The following ESRRB variants were observed in gnomAD, a reference collection of about 807,000 sequenced individuals.
The protein encoded by ESRRB is estrogen related receptor beta, also known as steroid hormone receptor ERR2.
In ESRRB, 16 loss-of-function variants were observed where a neutral mutation model predicts 46.0. The observed-to-expected ratio is 0.35, with a 90% CI of 0.24 to 0.53. The LOEUF (loss-of-function observed/expected upper bound fraction) is 0.53. Among genes scored for constraint, ESRRB ranks in the 20% least tolerant of loss-of-function variants. ESRRB has a pLI of 0.93. For missense variants in ESRRB, 488 were observed against 607.4 expected, an observed-to-expected ratio of 0.80 and a Z score of 2.07; for synonymous variants, 246 against 259.6, an observed-to-expected ratio of 0.95 and a Z score of 0.50.
At chr14:76,386,478 A>C (rs1885235695) in intron 1 of ESRRB, among the ~76,000 whole-genome samples, 1 of 129,888 alleles carries the variant, frequency 7.7e-6, no homozygotes, top group South Asian at 2.4e-4. Flanking sequence ...TTTTTTTGCG[A>C]CAGAGTCTCA....
chr14:76,314,786 C>G (rs942469820), intron 1 of ESRRB, among the ~76,000 whole-genome samples: 11 of 152,006 alleles, frequency 7.2e-5, no homozygotes, highest in Non-Finnish European at 1.5e-4. Context: ...TCCCGGCAAG[C>G]ATTCTGGCCT....
At chr14:76,469,949 T>TC (rs1889310031) in intron 3 of ESRRB, among the ~76,000 whole-genome samples, 1 of 131,394 alleles carries the variant, frequency 7.6e-6, no homozygotes, top group Non-Finnish European at 1.6e-5. Context: ...TTTTTCTTTT[T>TC]TTTTTTTTTT....
chr14:76,484,707 TC>T (rs1483881850), intron 5 of ESRRB, among the ~76,000 whole-genome samples: 1 of 152,098 alleles, frequency 6.6e-6, no homozygotes, highest in Non-Finnish European at 1.5e-5. Flanking sequence ...CCCAGCTCCA[TC>T]TCCCATCTGT....
chr14:76,333,772 G>A (rs957895915), intron 1 of ESRRB, among the ~76,000 whole-genome samples: 2 of 151,772 alleles, frequency 1.3e-5, no homozygotes, highest in Admixed American at 1.3e-4. Flanking sequence ...TTTTTCTTGT[G>A]CTAAGTGTTT....
chr14:76,449,549 C>CA lies in ESRRB; in HGVS notation c.460+9810dup, dbSNP rs796592784. ...TGGGTGACGGAGCAAGACTCAGTCT[C>CA]AAAAAAAAAAAGAAAAAAAAGTTTG... is the stretch of plus-strand genomic sequence containing the variant. On this transcript the variant is annotated intron_variant, in intron 2 of 6. Transcript: ENST00000644823. Among the ~76,000 whole-genome samples, 1,166 of 135,070 alleles carry CA rather than the reference C, an allele frequency of 8.6e-3. 15 individuals are homozygous for CA. Among genetic ancestry groups the CA allele is most frequent in the Middle Eastern group, 0.028 (7 of 254 alleles). The allele number at this position is 135,070 out of a possible 152,430, so 88.6% of individuals were successfully genotyped here. A position where few individuals can be genotyped will look rare whatever the true frequency, so the allele number is the denominator to read the frequency against.
At chr14:76,382,202 G>A (rs755849124) in intron 1 of ESRRB, among the ~76,000 whole-genome samples, 6 of 152,330 alleles carry the variant, frequency 3.9e-5, no homozygotes, top group Non-Finnish European at 5.9e-5. Flanking sequence ...TTTAAGATGG[G>A]GTGACAGTGG....
At chr14:76,488,234 A>G (rs2140043519) in intron 5 of ESRRB, among the ~76,000 whole-genome samples, 1 of 152,384 alleles carries the variant, frequency 6.6e-6, no homozygotes, top group African/African-American at 2.4e-5. Context: ...AGAAGGCTGT[A>G]TCACCAATTC....
chr14:76,392,747 C>T (rs1487693787), intron 1 of ESRRB, among the ~76,000 whole-genome samples: 1 of 152,242 alleles, frequency 6.6e-6, no homozygotes, highest in Non-Finnish European at 1.5e-5. Context: ...CCCAGTATGG[C>T]TGTGGAGAGG....
chr14:76,348,526 C>G (rs1884275894), intron 1 of ESRRB, among the ~76,000 whole-genome samples: 1 of 152,204 alleles, frequency 6.6e-6, no homozygotes, highest in South Asian at 2.1e-4. Flanking sequence ...CCTTAGCCAA[C>G]TGAATTCTTA....
At chr14:76,457,819 CCCA>C (rs1291578149) in intron 2 of ESRRB, among the ~76,000 whole-genome samples, 1 of 152,102 alleles carries the variant, frequency 6.6e-6, no homozygotes, top group Non-Finnish European at 1.5e-5. Flanking sequence ...ATTACAGATG[CCCA>C]CCACCATGCC....
rs57333539 is a variant in ESRRB at position 76,452,653 on chromosome 14, CA to C, written c.461-9883del. 1.2e-3 allele frequency among the ~76,000 whole-genome samples: 148 copies of C among 120,848 alleles called. No individual in the cohort carries two copies. The South Asian group carries it at 0.014, about 12-fold the overall frequency. 79.3% of individuals were successfully genotyped at this position (120,848 alleles called of 152,430 possible). A position where few individuals can be genotyped will look rare whatever the true frequency, so the allele number is the denominator to read the frequency against. On this transcript the variant is annotated intron_variant, in intron 2 of 6. Transcript: ENST00000644823. ...AAAACAAAACAAAAACAAAACAAAACAAAAAAAAAGGTGGATTCATTATTAA... is the reference window on the plus strand; with the variant it reads ...AAAACAAAACAAAAACAAAACAAAACAAAAAAAAGGTGGATTCATTATTAA...
chr14:76,352,389 A>C (rs963470400), intron 1 of ESRRB, among the ~76,000 whole-genome samples: 2 of 152,238 alleles, frequency 1.3e-5, no homozygotes, highest in Non-Finnish European at 2.9e-5. Flanking sequence ...TAGTGATGCC[A>C]GCCTAGCAAG....
At chr14:76,328,318 A>C (rs1381955008) in intron 1 of ESRRB, among the ~76,000 whole-genome samples, 1 of 149,698 alleles carries the variant, frequency 6.7e-6, no homozygotes, top group African/African-American at 2.5e-5. Context: ...AGGAAGATAC[A>C]GGAAAGAGAG....
At chr14:76,467,527 A>C (rs1017957252) in intron 3 of ESRRB, among the ~76,000 whole-genome samples, 20 of 146,682 alleles carry the variant, frequency 1.4e-4, no homozygotes, top group African/African-American at 4.8e-4. Flanking sequence ...AAAAAATTCT[A>C]GTGTTTGATT....
At chr14:76,469,460 T>C (rs1275800654) in intron 3 of ESRRB, among the ~76,000 whole-genome samples, 1 of 152,216 alleles carries the variant, frequency 6.6e-6, no homozygotes, top group Non-Finnish European at 1.5e-5. Context: ...TCTCTCTCAC[T>C]ACTGGATCAT....
chr14:76,494,709 A>G (rs539591651), intron 6 of ESRRB, among the ~76,000 whole-genome samples: 1 of 152,242 alleles, frequency 6.6e-6, no homozygotes, highest in Non-Finnish European at 1.5e-5. Flanking sequence ...CTTCACCTAC[A>G]CAGAGGGGAG....
At chr14:76,453,968 T>A (rs1224390011) in intron 2 of ESRRB, among the ~76,000 whole-genome samples, 1 of 152,106 alleles carries the variant, frequency 6.6e-6, no homozygotes, top group Admixed American at 6.6e-5. Flanking sequence ...ACTGAAAGCA[T>A]CTTAGTTCAT....
intron 1 of ESRRB, among the ~76,000 whole-genome samples, chr14:76,390,213 G>A (rs950267608): frequency 6.6e-6 from 1 of 152,228 alleles, no homozygotes; most frequent in African/African-American, 2.4e-5. Flanking sequence ...ACATGGCTGA[G>A]TGCGGTGGCT....
chr14:76,466,406 T>C (rs1392928865), intron 3 of ESRRB, among the ~76,000 whole-genome samples: 1 of 152,154 alleles, frequency 6.6e-6, no homozygotes, highest in Non-Finnish European at 1.5e-5. Context: ...GACTTGGGGC[T>C]TCCTCTGGCT....
Sources: allele counts gnomAD v4.1 joint callset (sites outside exome capture counted in the v4.1 genomes callset), GRCh38; gene constraint gnomAD v4.1.1; transcripts MANE v1.5; gene names NCBI Gene and HGNC (gene_info 2026-07-23, HGNC 2026-07-21).